The following SMOC1 variants were observed in gnomAD, a reference collection of about 807,000 sequenced individuals.
The protein encoded by SMOC1 is SPARC related modular calcium binding 1, also known as SPARC-related modular calcium-binding protein 1.
SMOC1 carries 22 observed loss-of-function variants against 56.3 expected under a neutral mutation model. The ratio of observed to expected loss-of-function variants is 0.39; its 90% CI spans 0.28 to 0.56. The LOEUF (loss-of-function observed/expected upper bound fraction) is 0.56, where lower values mean the gene tolerates loss of function less well. Among genes scored for constraint, SMOC1 ranks in the 20% least tolerant of loss-of-function variants. SMOC1 has a pLI of 0.61. For missense variants in SMOC1, 509 were observed against 565.4 expected (o/e 0.90, Z 1.01); for synonymous variants, 193 against 215.0 (o/e 0.90, Z 0.89).
intron 1 of SMOC1, among the ~76,000 whole-genome samples, chr14:69,947,324 T>A (rs920984353): frequency 6.6e-6 from 1 of 152,036 alleles, no homozygotes; most frequent in Non-Finnish European, 1.5e-5. Flanking sequence ...CATGCATTAC[T>A]ATGCCTGGCT....
chr14:69,936,626 T>C (rs989491294), intron 1 of SMOC1, among the ~76,000 whole-genome samples: 7 of 152,202 alleles, frequency 4.6e-5, no homozygotes, highest in African/African-American at 1.7e-4. Context: ...GTTGGATGCT[T>C]TTGAGGTGAC....
At position 69,973,637 on chromosome 14, in the gene SMOC1, G is replaced by A. The variant is rs146692712; in HGVS notation, c.379-2078G>A. 3.9e-3 allele frequency among the ~76,000 whole-genome samples: 600 copies of A among 152,314 alleles called. 2 individuals are homozygous for A. Among genetic ancestry groups the A allele is most frequent in the African/African-American group, 0.014 (567 of 41,572 alleles). Reference sequence around the variant, plus strand: ...CTCAGATGCAGGAGCTGCGGGAAATGCCTCATTTAGACAGCATGCACCTTC... The same window carrying A: ...CTCAGATGCAGGAGCTGCGGGAAATACCTCATTTAGACAGCATGCACCTTC... On this transcript the variant is annotated intron_variant, in intron 3 of 11. Coordinates refer to ENST00000361956, the MANE Select transcript of SMOC1 (RefSeq NM_001034852.3).
chr14:70,006,472 C>T (rs995423833), intron 7 of SMOC1, among the ~76,000 whole-genome samples: 2 of 152,158 alleles, frequency 1.3e-5, no homozygotes, highest in African/African-American at 2.4e-5. Flanking sequence ...TGACCCATAA[C>T]CTCTAGAGAA....
chr14:70,004,223 C>T (rs555164641), intron 7 of SMOC1, among the ~76,000 whole-genome samples: 5 of 152,302 alleles, frequency 3.3e-5, no homozygotes, highest in East Asian at 3.9e-4. Flanking sequence ...TCAGTTCTTC[C>T]GCGTATGGTT....
chr14:69,933,653 G>A (rs546796367), intron 1 of SMOC1, among the ~76,000 whole-genome samples: 1 of 152,110 alleles, frequency 6.6e-6, no homozygotes, highest in African/African-American at 2.4e-5. Context: ...TCTCAGCTGG[G>A]ACTACAGGTG....
At chr14:69,931,640 G>A (rs1221968135) in intron 1 of SMOC1, among the ~76,000 whole-genome samples, 1 of 152,240 alleles carries the variant, frequency 6.6e-6, no homozygotes, top group East Asian at 1.9e-4. Flanking sequence ...TTTCTAGAGA[G>A]CCATTAGATG....
At chr14:69,922,932 C>CTTTTTTTTTTTTT (rs536127994) in intron 1 of SMOC1, among the ~76,000 whole-genome samples, 1 of 147,702 alleles carries the variant, frequency 6.8e-6, no homozygotes, top group African/African-American at 2.6e-5. Context: ...TCTCAGCCCT[C>CTTTTTTTTTTTTT]TTTTTTTTGT....
At chr14:69,938,336 C>T (rs577665299) in intron 1 of SMOC1, among the ~76,000 whole-genome samples, 10 of 152,072 alleles carry the variant, frequency 6.6e-5, no homozygotes, top group African/African-American at 2.4e-4. Flanking sequence ...TGTTTTGGGC[C>T]CTTTTGTATT....
intron 11 of SMOC1, 107 bp from the exon 12 acceptor site, chr14:70,030,135 A>G (rs1886085059): frequency 6.5e-7 from 1 of 1,546,256 alleles, no homozygotes; most frequent in African/African-American, 1.4e-5. Context: ...CTTGTGGGGA[A>G]ATTGATGGAC....
chr14:69,958,705 G>A (rs756130134), intron 3 of SMOC1, among the ~76,000 whole-genome samples: 1 of 152,120 alleles, frequency 6.6e-6, no homozygotes, highest in Non-Finnish European at 1.5e-5. Context: ...TTTATTCTAA[G>A]GAAGTAACTA....
chr14:69,977,681 G>A (rs1884016509), intron 4 of SMOC1, among the ~76,000 whole-genome samples: 1 of 152,120 alleles, frequency 6.6e-6, no homozygotes, highest in Non-Finnish European at 1.5e-5. Context: ...TGTTTCCAGG[G>A]AACCTAGAAA....
chr14:70,011,848 A>G (rs1460187764), intron 9 of SMOC1, among the ~76,000 whole-genome samples: 1 of 152,162 alleles, frequency 6.6e-6, no homozygotes, highest in African/African-American at 2.4e-5. Flanking sequence ...GTCCATGAGG[A>G]CAATGTTTTG....
chr14:69,919,089 A>G (rs1287326620), intron 1 of SMOC1, among the ~76,000 whole-genome samples: 2 of 152,024 alleles, frequency 1.3e-5, no homozygotes, highest in African/African-American at 4.8e-5. Flanking sequence ...GTTTGTTGAG[A>G]AGTTCTGACT....
At chr14:69,893,198 G>T (rs1161023739) in intron 1 of SMOC1, among the ~76,000 whole-genome samples, 1 of 152,218 alleles carries the variant, frequency 6.6e-6, no homozygotes, top group African/African-American at 2.4e-5. Flanking sequence ...TATTTCATGG[G>T]AGTTGGTGTG....
chr14:70,014,215 GA>G (rs1331401153), intron 10 of SMOC1, among the ~76,000 whole-genome samples: 4 of 152,172 alleles, frequency 2.6e-5, no homozygotes, highest in Non-Finnish European at 4.4e-5. Flanking sequence ...ACCTTCAAAG[GA>G]TGCAGCTTAG....
intron 1 of SMOC1, among the ~76,000 whole-genome samples, chr14:69,901,265 G>A (rs1322876407): frequency 6.6e-6 from 1 of 152,214 alleles, no homozygotes; most frequent in East Asian, 1.9e-4. Context: ...GACCATCTTT[G>A]TTCAGGGCCT....
In SMOC1 at chr14:70,008,266, A is replaced by T. The variant is rs147233813; in HGVS notation, c.665-2488A>T. Among the ~76,000 whole-genome samples, 137 of 152,150 alleles carry T rather than the reference A, an allele frequency of 9.0e-4. 4 individuals carry two copies. The East Asian group carries it at 0.022, about 24-fold the overall frequency. Reference sequence around the variant, plus strand: ...CACCTCAGCCTCCTGGGTAACTGGGACTACAGGCATGTGCTATCACACTGG... The same window carrying T: ...CACCTCAGCCTCCTGGGTAACTGGGTCTACAGGCATGTGCTATCACACTGG... On this transcript the variant is annotated intron_variant, in intron 7 of 11. Coordinates refer to ENST00000361956, the MANE Select transcript of SMOC1 (RefSeq NM_001034852.3).
intron 10 of SMOC1, among the ~76,000 whole-genome samples, chr14:70,021,248 A>G (rs2139610798): frequency 6.6e-6 from 1 of 152,246 alleles, no homozygotes; most frequent in African/African-American, 2.4e-5. Flanking sequence ...CTGTTTGGGG[A>G]AAGGCAGGGA....
At chr14:69,910,787 C>T (rs1884537807) in intron 1 of SMOC1, among the ~76,000 whole-genome samples, 2 of 152,094 alleles carry the variant, frequency 1.3e-5, no homozygotes, top group African/African-American at 2.4e-5. Context: ...CATGGCCTGA[C>T]TTGTAGGGAT....
Sources: gnomAD v4.1 joint callset for allele counts (sites outside exome capture counted in the v4.1 genomes callset) on GRCh38, gnomAD v4.1.1 for gene constraint, MANE v1.5 for transcripts, NCBI Gene and HGNC (gene_info 2026-07-23, HGNC 2026-07-21) for gene names.